DNAH3: variants seen among roughly 807,000 people sequenced by gnomAD.
DNAH3 encodes the protein axonemal beta dynein heavy chain 3.
A neutral mutation model predicts 432.5 loss-of-function variants in DNAH3; 332 were observed. The observed-to-expected ratio is 0.77, with a 90% CI of 0.70 to 0.84. The LOEUF (loss-of-function observed/expected upper bound fraction) is 0.84. Among genes scored for constraint, DNAH3 ranks in the 40% least tolerant of loss-of-function variants. DNAH3 has a pLI of 0.00. For missense variants in DNAH3, 4,861 were observed against 5,114.0 expected (o/e 0.95, Z 1.51); for synonymous variants, 1,956 against 1,900.2 (o/e 1.03, Z -0.76).
rs771169731 is a variant in DNAH3 at position 21,136,411 on chromosome 16, G to GAAAT, written c.798_799insATTT (p.Leu267IlefsTer21). 4 of 1,614,004 alleles carry GAAAT rather than the reference G, an allele frequency of 2.5e-6. No homozygotes were observed. In the African/African-American group the frequency reaches 5.3e-5, roughly 22 times the overall value. Reference sequence around the variant, plus strand: ...AGGGGCTCCAGGAAGGGACTCGTCAGCAGCGTGTTAGAAATCAGCTTTGAA... The same window carrying GAAAT: ...AGGGGCTCCAGGAAGGGACTCGTCAGAAATCAGCGTGTTAGAAATCAGCTTTGAA... On this transcript the variant is annotated frameshift_variant, in exon 6 of 62. Transcript: ENST00000261383. LOFTEE classifies it high-confidence loss of function.
chr16:21,119,601 C>CTTT (rs1325757702), intron 11 of DNAH3, among the ~76,000 whole-genome samples: 5 of 143,138 alleles, frequency 3.5e-5, no homozygotes, highest in African/African-American at 1.3e-4. Context: ...AAAAAAAATT[C>CTTT]TTTTTTTTTT....
chr16:20,987,536 T>A (rs968376170), intron 46 of DNAH3, 88 bp from the exon 47 acceptor site: 1 of 1,564,904 alleles, frequency 6.4e-7, no homozygotes, highest in Non-Finnish European at 8.7e-7. Flanking sequence ...TGGGGTTGAT[T>A]TGAGGATTGA....
rs774892984 is a variant in DNAH3, at chr16:21,069,457, A to T, written c.3339T>A (p.Phe1113Leu). 3.1e-6 allele frequency: 5 copies of T among 1,614,182 alleles called. No homozygotes were observed. The South Asian group carries it at 5.5e-5, about 18-fold the overall frequency. Residue 1113 changes from phenylalanine to leucine, a missense_variant, in exon 23 of 62, where the codon TTT (phenylalanine) becomes TTA (leucine). Transcript: ENST00000261383. ...ATTTCCAGTAACTATCAACAATGCC[A>T]AATTTCCTCCCCTCTTCTGGCATCT...
chr16:21,065,446 C>A (rs1597287835), intron 24 of DNAH3, among the ~76,000 whole-genome samples: 1 of 152,136 alleles, frequency 6.6e-6, no homozygotes, highest in African/African-American at 2.4e-5. Context: ...CAGGCAGGAG[C>A]CACCACGCCT....
intron 1 of DNAH3, among the ~76,000 whole-genome samples, chr16:21,155,291 G>GT (rs2092890649): frequency 6.6e-6 from 1 of 151,594 alleles, no homozygotes; most frequent in Admixed American, 6.6e-5. Flanking sequence ...AAGGTGCCCA[G>GT]TTAAATTAGA....
rs185943173 is a variant in DNAH3, at chr16:20,962,053, C to G, written c.10600+1231G>C. 2.4e-4 allele frequency among the ~76,000 whole-genome samples: 36 copies of G among 151,696 alleles called. No individual in the cohort carries two copies. In the East Asian group the frequency reaches 6.2e-3, roughly 26 times the overall value. On this transcript the variant is annotated intron_variant, in intron 53 of 61. Transcript: ENST00000261383. Reference sequence around the variant, plus strand: ...GCACGTGCCTGTAATCCCAGCTACTCAGGAGGCTGAGGCATGAGAATTGCT... The same window carrying G: ...GCACGTGCCTGTAATCCCAGCTACTGAGGAGGCTGAGGCATGAGAATTGCT...
At chr16:21,098,306 G>A (rs1047545675) in intron 17 of DNAH3, among the ~76,000 whole-genome samples, 1 of 151,934 alleles carries the variant, frequency 6.6e-6, no homozygotes, top group African/African-American at 2.4e-5. Flanking sequence ...GGGCATGGTG[G>A]CACACGCCTG....
At chr16:21,111,736 C>T (rs2092077624) in exon 14 of DNAH3, 1 of 1,614,068 alleles carries the variant, frequency 6.2e-7, no homozygotes. Context: ...CAAGGCAGAA[C>T]ATGGCTAAAG....
At chr16:20,979,088 T>G (rs1353789193) in intron 50 of DNAH3, among the ~76,000 whole-genome samples, 1 of 152,046 alleles carries the variant, frequency 6.6e-6, no homozygotes, top group Admixed American at 6.6e-5. Context: ...TAATACATTA[T>G]TGCAATAGAT....
intron 11 of DNAH3, among the ~76,000 whole-genome samples, chr16:21,118,332 T>G (rs1241883074): frequency 6.6e-6 from 1 of 152,230 alleles, no homozygotes; most frequent in East Asian, 1.9e-4. Context: ...AGAAGAGATG[T>G]ACTAGATTCT....
chr16:21,138,941 T>C (rs1293256721), intron 5 of DNAH3, among the ~76,000 whole-genome samples: 2 of 152,098 alleles, frequency 1.3e-5, no homozygotes, highest in Non-Finnish European at 2.9e-5. Context: ...AACTGGACAA[T>C]AGAGATAATC....
chr16:21,118,146 C>T (rs1567821051), intron 11 of DNAH3, among the ~76,000 whole-genome samples: 1 of 151,908 alleles, frequency 6.6e-6, no homozygotes, highest in Non-Finnish European at 1.5e-5. Context: ...CACCACCATA[C>T]CCAGCTAATT....
chr16:21,118,025 T>C (rs924787936), intron 11 of DNAH3, among the ~76,000 whole-genome samples: 1 of 152,180 alleles, frequency 6.6e-6, no homozygotes, highest in African/African-American at 2.4e-5. Context: ...TCTCACTCTA[T>C]GGCCCAGGCT....
intron 31 of DNAH3, among the ~76,000 whole-genome samples, chr16:21,048,676 C>T (rs2089825016): frequency 6.6e-6 from 1 of 151,966 alleles, no homozygotes; most frequent in African/African-American, 2.4e-5. Flanking sequence ...CGGAGCTGTT[C>T]CTATTCGGCC....
In DNAH3 at chr16:20,936,638, C is replaced by A; in HGVS notation, c.11859+11G>T. 6.3e-7 allele frequency: 1 copy of A among 1,582,356 alleles called. No individual in the cohort carries two copies. Among genetic ancestry groups the A allele is most frequent in the Non-Finnish European group, 8.6e-7 (1 of 1,163,106 alleles). The stretch of plus-strand genomic sequence containing the variant: ...ATGCCAGGTTCCCGGTTACCCCTGA[C>A]TCCCAGGTACCTGGAAGAAGGTCAG... On this transcript the variant is annotated intron_variant, in intron 60 of 61. Coordinates refer to ENST00000261383, the Ensembl canonical transcript of DNAH3.
intron 50 of DNAH3, among the ~76,000 whole-genome samples, chr16:20,977,694 C>T (rs2085659790): frequency 6.6e-6 from 1 of 152,202 alleles, no homozygotes; most frequent in African/African-American, 2.4e-5. Flanking sequence ...AGACACTTGG[C>T]CTCTCTGTGT....
At chr16:21,037,904 T>C in exon 34 of DNAH3, 2 of 1,614,188 alleles carry the variant, frequency 1.2e-6, no homozygotes, top group Admixed American at 1.7e-5. Context: ...ACAGCGCGCA[T>C]ACCGTAGTCA....
chr16:21,125,749 C>T (rs1234428041), intron 8 of DNAH3, among the ~76,000 whole-genome samples: 1 of 152,140 alleles, frequency 6.6e-6, no homozygotes, highest in Non-Finnish European at 1.5e-5. Flanking sequence ...ATTCAAACTT[C>T]ATAGGGGGAA....
chr16:20,963,927 CT>C lies in DNAH3; in HGVS notation c.9956del (p.Gln3319ArgfsTer4). On this transcript the variant is annotated frameshift_variant, in exon 53 of 62. Coordinates refer to ENST00000261383, the Ensembl canonical transcript of DNAH3. LOFTEE classifies it high-confidence loss of function. Reference sequence around the variant, plus strand: ...GATTTATGAACCAAGTCAGGGAGTACTGGTACATCGGCTCGATGTTGGCCAG... The same window carrying C: ...GATTTATGAACCAAGTCAGGGAGTACGGTACATCGGCTCGATGTTGGCCAG... 6.2e-7 allele frequency: 1 copy of C among 1,614,142 alleles called. No homozygotes were observed. Among genetic ancestry groups the C allele is most frequent in the Non-Finnish European group, 8.5e-7 (1 of 1,180,036 alleles).
Sources: gnomAD v4.1 joint callset for allele counts (sites outside exome capture counted in the v4.1 genomes callset) on GRCh38, gnomAD v4.1.1 for gene constraint, MANE v1.5 for transcripts, NCBI Gene and HGNC (gene_info 2026-07-23, HGNC 2026-07-21) for gene names.